Variants in PCDHA4 observed in about 807,000 individuals in gnomAD.
PCDHA4 encodes the protein protocadherin alpha-4.
PCDHA4 carries 49 observed loss-of-function variants against 61.4 expected under a neutral mutation model. That is an observed-to-expected ratio of 0.80 (90% CI 0.63 to 1.01). PCDHA4 has a LOEUF of 1.01. Ranked by LOEUF, PCDHA4 falls within the 50% of genes least tolerant of loss-of-function variation. The pLI is 0.00. For missense variants in PCDHA4, 1,254 were observed against 1,235.8 expected (o/e 1.01, Z -0.22); for synonymous variants, 590 against 550.3 (o/e 1.07, Z -1.01).
intron 1 of PCDHA4, among the ~76,000 whole-genome samples, chr5:140,933,324 G>A (rs563163291): frequency 5.3e-5 from 8 of 151,904 alleles, no homozygotes; most frequent in Non-Finnish European, 1.2e-4. Context: ...GTATTCTCCT[G>A]TGCTGTAGAG....
chr5:140,880,800 T>A (rs1453041032), intron 1 of PCDHA4, among the ~76,000 whole-genome samples: 1 of 152,130 alleles, frequency 6.6e-6, no homozygotes, highest in Admixed American at 6.6e-5. Context: ...TATAAATAGG[T>A]GAATGACTCT....
chr5:140,906,296 A>G (rs1378311950), intron 1 of PCDHA4, among the ~76,000 whole-genome samples: 9 of 152,226 alleles, frequency 5.9e-5, no homozygotes, highest in Non-Finnish European at 1.5e-5. Flanking sequence ...GACAATAATA[A>G]GGTCATAATT....
In PCDHA4 at chr5:140,807,116, C is replaced by G. The variant is rs1411901761; in HGVS notation, c.-72C>G. ...ATATGGAGGATGCAGCTGCACTTGACTGACCGATTAAAAGATTTCCCTTGA... is the reference window on the plus strand; with the variant it reads ...ATATGGAGGATGCAGCTGCACTTGAGTGACCGATTAAAAGATTTCCCTTGA... On this transcript the variant is annotated 5_prime_UTR_variant, in exon 1 of 4. Transcript: ENST00000530339. The G allele has an allele frequency of 6.6e-7, 1 of 1,524,432 alleles. No homozygotes were observed. The highest frequency in any genetic ancestry group is 8.9e-7 in the Non-Finnish European group (1 of 1,121,964). The allele number at this position is 1,524,432 out of a possible 1,614,324, so 94.4% of individuals were successfully genotyped here.
intron 1 of PCDHA4, among the ~76,000 whole-genome samples, chr5:140,820,106 C>A (rs1196354953): frequency 1.3e-5 from 2 of 151,742 alleles, no homozygotes; most frequent in African/African-American, 4.8e-5. Context: ...TTATCATTTT[C>A]TTATGTTTTT....
chr5:140,928,821 C>A (rs2085565750), intron 1 of PCDHA4: 3 of 1,614,142 alleles, frequency 1.9e-6, no homozygotes, highest in Non-Finnish European at 2.5e-6. Context: ...ACCATGGAGA[C>A]CCACCACTTT....
rs782319322 is a variant in PCDHA4, at chr5:140,870,788, C to T, written c.2385+61216C>T. 6 of 1,613,518 alleles carry T rather than the reference C, an allele frequency of 3.7e-6. No individual in the cohort carries two copies. The Admixed American group carries it at 6.7e-5, about 18-fold the overall frequency. On this transcript the variant is annotated intron_variant, in intron 1 of 3. Coordinates refer to ENST00000530339, the MANE Select transcript of PCDHA4 (RefSeq NM_018907.4). Reference sequence around the variant, plus strand: ...GTGCTGGACGAGAACGACAACGCGCCGGCACTGCTGGCGACTCAGGCTGGC... The same window carrying T: ...GTGCTGGACGAGAACGACAACGCGCTGGCACTGCTGGCGACTCAGGCTGGC...
intron 3 of PCDHA4, among the ~76,000 whole-genome samples, chr5:141,000,386 T>A (rs1394092081): frequency 5.6e-4 from 37 of 66,542 alleles, no homozygotes; most frequent in African/African-American, 2.4e-3. Flanking sequence ...TCTCTCTCTC[T>A]CTCTCTCTCT....
intron 1 of PCDHA4, chr5:140,842,821 C>A (rs782174276): frequency 1.9e-6 from 3 of 1,593,534 alleles, no homozygotes; most frequent in East Asian, 2.2e-5. Context: ...GGCGGGTGGG[C>A]GAGCGCTCGC....
intron 1 of PCDHA4, among the ~76,000 whole-genome samples, chr5:140,839,382 TGA>T (rs1562376295): frequency 0.03 from 2 of 66 alleles, no homozygotes; most frequent in South Asian, 0.071. Flanking sequence ...TCAATTATTA[TGA>T]TGATGATGAT....
intron 1 of PCDHA4, among the ~76,000 whole-genome samples, chr5:140,896,927 A>G (rs1453519374): frequency 6.6e-6 from 1 of 152,212 alleles, no homozygotes; most frequent in Non-Finnish European, 1.5e-5. Flanking sequence ...TAATCACATC[A>G]TGGAAAATGG....
chr5:140,822,130 G>C (rs2150113866), intron 1 of PCDHA4: 2 of 1,614,268 alleles, frequency 1.2e-6, no homozygotes, highest in South Asian at 2.2e-5. Context: ...TTTCCATGTG[G>C]AGGTGGCAGT....
intron 1 of PCDHA4, chr5:140,858,025 G>C (rs992119806): frequency 1.9e-6 from 3 of 1,596,952 alleles, no homozygotes; most frequent in Non-Finnish European, 2.6e-6. Context: ...CGTCGCTGAC[G>C]GCCACGGCCA....
At chr5:140,894,717 A>G (rs1349709964) in intron 1 of PCDHA4, among the ~76,000 whole-genome samples, 1 of 151,920 alleles carries the variant, frequency 6.6e-6, no homozygotes, top group Non-Finnish European at 1.5e-5. Flanking sequence ...GTTGTTTTCA[A>G]ATATTACGTA....
At chr5:140,815,804 A>G (rs1328932785) in intron 1 of PCDHA4, 1 of 152,128 alleles carries the variant, frequency 6.6e-6, no homozygotes, top group Non-Finnish European at 1.5e-5. Context: ...TTAACTGGGA[A>G]GGTCTTTATC....
At chr5:140,926,143 C>A (rs2082940711) in intron 1 of PCDHA4, among the ~76,000 whole-genome samples, 1 of 152,068 alleles carries the variant, frequency 6.6e-6, no homozygotes, top group African/African-American at 2.4e-5. Context: ...CAGGATCCAG[C>A]GCGGAAAGCT....
chr5:140,959,480 T>C (rs1554224103), intron 1 of PCDHA4, among the ~76,000 whole-genome samples: 1 of 152,222 alleles, frequency 6.6e-6, no homozygotes, highest in Non-Finnish European at 1.5e-5. Context: ...TCAAGGCATA[T>C]TGTTATATAT....
chr5:140,982,300 G>A (rs2096976836), intron 2 of PCDHA4, 175 bp from the exon 3 acceptor site: 1 of 1,204,506 alleles, frequency 8.3e-7, no homozygotes, highest in South Asian at 1.7e-5. Flanking sequence ...AGTCAGCAAT[G>A]CTTCTGCAGT....
In PCDHA4 at chr5:140,820,150, A is replaced by T. The variant is rs2150105989; in HGVS notation, c.2385+10578A>T. Among the ~76,000 whole-genome samples the T allele has an allele frequency of 5.3e-5, 8 of 152,088 alleles. No individual in the cohort carries two copies. In the South Asian group the frequency reaches 8.3e-4, roughly 16 times the overall value. On this transcript the variant is annotated intron_variant, in intron 1 of 3. Coordinates refer to ENST00000530339, the MANE Select transcript of PCDHA4 (RefSeq NM_018907.4). ...TGTATTAAAATATTTCAAAATTATC[A>T]GTATGAAAACTATTAGGCAAATAGT...
At position 140,976,656 on chromosome 5, in the gene PCDHA4, C is replaced by T. The variant is rs551402825; in HGVS notation, c.2386-2293C>T. ...AATCAGACAAGTAATTTAATCTCTC[C>T]AAAGTTCAGATGTCTCATTTTTGCA... is the stretch of plus-strand genomic sequence containing the variant. On this transcript the variant is annotated intron_variant, in intron 1 of 3. Transcript: ENST00000530339. Among the ~76,000 whole-genome samples the T allele has an allele frequency of 3.3e-5, 5 of 152,272 alleles. No homozygotes were observed. The South Asian group carries it at 1.0e-3, about 32-fold the overall frequency.
Sources: allele counts gnomAD v4.1 joint callset (sites outside exome capture counted in the v4.1 genomes callset), GRCh38; gene constraint gnomAD v4.1.1; transcripts MANE v1.5; gene names NCBI Gene and HGNC (gene_info 2026-07-23, HGNC 2026-07-21).